Variants in SLC39A11 observed in about 807,000 individuals in gnomAD.
The protein encoded by SLC39A11 is zinc transporter ZIP11.
In SLC39A11, 33 loss-of-function variants were observed where a neutral mutation model predicts 36.1. The ratio of observed to expected loss-of-function variants is 0.91; its 90% CI spans 0.69 to 1.22. The LOEUF is 1.22. SLC39A11 is among the 50% of genes most tolerant of loss of function. The probability of loss-of-function intolerance (pLI) is 0.00; values close to 1 mark genes in which losing one functional copy is unlikely to be tolerated. For missense variants in SLC39A11, 432 were observed against 430.3 expected (o/e 1.00, Z -0.03); for synonymous variants, 166 against 170.3 (o/e 0.97, Z 0.20).
intron 3 of SLC39A11, among the ~76,000 whole-genome samples, chr17:73,057,670 G>T (rs1208879386): frequency 6.6e-6 from 1 of 152,188 alleles, no homozygotes; most frequent in African/African-American, 2.4e-5. Context: ...AGGCGCGGTG[G>T]CTCACGCCTG....
intron 5 of SLC39A11, among the ~76,000 whole-genome samples, chr17:72,886,321 G>A (rs998432376): frequency 1.3e-5 from 2 of 152,116 alleles, no homozygotes; most frequent in Non-Finnish European, 2.9e-5. Context: ...CCTACTTGAC[G>A]TTACCACTTG....
chr17:72,996,927 C>T (rs1188562499), intron 4 of SLC39A11, among the ~76,000 whole-genome samples: 3 of 152,052 alleles, frequency 2.0e-5, no homozygotes, highest in Non-Finnish European at 4.4e-5. Context: ...TGTGCCTCTG[C>T]CCTTGTCATG....
intron 3 of SLC39A11, among the ~76,000 whole-genome samples, chr17:73,068,887 C>T (rs1217542173): frequency 2.6e-5 from 4 of 152,182 alleles, no homozygotes; most frequent in Non-Finnish European, 5.9e-5. Flanking sequence ...CTTAAAAGCA[C>T]AGCTCTGATC....
chr17:72,706,292 T>G (rs1201527523), intron 7 of SLC39A11, among the ~76,000 whole-genome samples: 1 of 152,224 alleles, frequency 6.6e-6, no homozygotes, highest in Non-Finnish European at 1.5e-5. Context: ...AAGGGGAGTT[T>G]GCTTGTCTAA....
chr17:73,016,151 T>C (rs1369905868), intron 4 of SLC39A11, among the ~76,000 whole-genome samples: 2 of 152,138 alleles, frequency 1.3e-5, no homozygotes, highest in African/African-American at 4.8e-5. Flanking sequence ...CAGTACTAGA[T>C]ATGACAATAT....
At chr17:72,933,960 C>T (rs1301033995) in intron 5 of SLC39A11, among the ~76,000 whole-genome samples, 2 of 151,300 alleles carry the variant, frequency 1.3e-5, no homozygotes, top group Non-Finnish European at 2.9e-5. Flanking sequence ...TTTACAAAAG[C>T]GAAAGGTTAA....
chr17:72,693,722 G>A (rs1329255991), intron 7 of SLC39A11, among the ~76,000 whole-genome samples: 2 of 152,096 alleles, frequency 1.3e-5, no homozygotes, highest in African/African-American at 4.8e-5. Context: ...GAGTACAATG[G>A]CGCAATCTCG....
At chr17:72,918,923 C>T (rs779809627) in intron 5 of SLC39A11, among the ~76,000 whole-genome samples, 32 of 151,864 alleles carry the variant, frequency 2.1e-4, no homozygotes, top group South Asian at 1.2e-3. Context: ...ATTAGCTGGG[C>T]GTGGTGGTAT....
chr17:72,900,088 GAA>G (rs1423693948), intron 5 of SLC39A11, among the ~76,000 whole-genome samples: 1 of 109,050 alleles, frequency 9.2e-6, no homozygotes, highest in Non-Finnish European at 1.8e-5. Context: ...GAGAGAAAGA[GAA>G]AGAGAAAAGA....
At chr17:72,835,271 C>A (rs1223171436) in intron 6 of SLC39A11, among the ~76,000 whole-genome samples, 1 of 152,236 alleles carries the variant, frequency 6.6e-6, no homozygotes, top group South Asian at 2.1e-4. Flanking sequence ...TCAAATGTAA[C>A]CTGTTGGAGA....
chr17:72,894,342 C>G (rs1173283410), intron 5 of SLC39A11, among the ~76,000 whole-genome samples: 1 of 105,086 alleles, frequency 9.5e-6, no homozygotes, highest in Non-Finnish European at 1.7e-5. Flanking sequence ...AGCCTGGCAA[C>G]AGAGTGAGAC....
At chr17:72,877,736 G>A (rs192187272) in intron 5 of SLC39A11, among the ~76,000 whole-genome samples, 167 of 152,234 alleles carry the variant, frequency 1.1e-3, no homozygotes, top group East Asian at 6.6e-3. Flanking sequence ...CGGGGACAGC[G>A]TGCTTTACTC....
chr17:72,711,885 AG>A (rs1255875603), intron 7 of SLC39A11, among the ~76,000 whole-genome samples: 2 of 152,250 alleles, frequency 1.3e-5, no homozygotes, highest in Non-Finnish European at 2.9e-5. Flanking sequence ...AGAAATGGAA[AG>A]GAACAGACTT....
At chr17:72,928,822 T>G (rs936723952) in intron 5 of SLC39A11, among the ~76,000 whole-genome samples, 1 of 152,154 alleles carries the variant, frequency 6.6e-6, no homozygotes, top group African/African-American at 2.4e-5. Flanking sequence ...CCAAGGATCT[T>G]TGGACCCTGA....
intron 5 of SLC39A11, among the ~76,000 whole-genome samples, chr17:72,909,285 T>A (rs2082837579): frequency 6.6e-6 from 1 of 152,224 alleles, no homozygotes; most frequent in Non-Finnish European, 1.5e-5. Flanking sequence ...TGGAAAATTC[T>A]AACTGGTCCA....
At position 73,080,774 on chromosome 17, in the gene SLC39A11, G is replaced by A. The variant is rs77463976; in HGVS notation, c.147+4034C>T. On this transcript the variant is annotated intron_variant, in intron 3 of 9. Transcript: ENST00000255559. ...AGCCTGGCCAACATGGTGAAACTCCGTCTCTACTGAAAATACAAAAAATAG... is the reference window on the plus strand; with the variant it reads ...AGCCTGGCCAACATGGTGAAACTCCATCTCTACTGAAAATACAAAAAATAG... Among the ~76,000 whole-genome samples, 2,420 of 151,770 alleles carry A rather than the reference G, an allele frequency of 0.016. 145 individuals are homozygous for A. In the East Asian group the frequency reaches 0.22, roughly 14 times the overall value.
At position 73,011,739 on chromosome 17, in the gene SLC39A11, G is replaced by T. The variant is rs185508571; in HGVS notation, c.306+19817C>A. Among the ~76,000 whole-genome samples the T allele has an allele frequency of 1.1e-4, 16 of 149,740 alleles. No homozygotes were observed. In the East Asian group the frequency reaches 3.2e-3, roughly 30 times the overall value. ...TGCAGCGGCGCGATCTTGGCTCACT[G>T]CAACCTTCGCCTCCTAGGTTCAAGC... On this transcript the variant is annotated intron_variant, in intron 4 of 9. Coordinates refer to ENST00000255559, the MANE Select transcript of SLC39A11 (RefSeq NM_139177.4).
chr17:72,733,117 G>A (rs551889381), intron 7 of SLC39A11, among the ~76,000 whole-genome samples: 21 of 152,316 alleles, frequency 1.4e-4, no homozygotes, highest in South Asian at 4.1e-4. Context: ...GGCTCCATCC[G>A]CTCCATAGGC....
chr17:73,077,409 C>G (rs1277893010), intron 3 of SLC39A11, among the ~76,000 whole-genome samples: 1 of 152,234 alleles, frequency 6.6e-6, no homozygotes, highest in Non-Finnish European at 1.5e-5. Context: ...CCTCTGCCTC[C>G]CAGGCTCGAG....
Sources: allele counts gnomAD v4.1 joint callset (sites outside exome capture counted in the v4.1 genomes callset), GRCh38; gene constraint gnomAD v4.1.1; transcripts MANE v1.5; gene names NCBI Gene and HGNC (gene_info 2026-07-23, HGNC 2026-07-21).